Variants in IL17RE observed in about 807,000 individuals in gnomAD.
The protein encoded by IL17RE is interleukin-17 receptor E.
Under a neutral mutation model 70.7 loss-of-function variants are expected in IL17RE, and 47 were observed. That is an observed-to-expected ratio of 0.67 (90% confidence interval 0.53 to 0.85). IL17RE has a LOEUF of 0.85. IL17RE is among the 40% of genes least tolerant of loss of function. The probability of loss-of-function intolerance (pLI) is 0.00; values close to 1 mark genes in which losing one functional copy is unlikely to be tolerated. For missense variants in IL17RE, 850 were observed against 893.9 expected (o/e 0.95, Z 0.63); for synonymous variants, 372 against 381.2 (o/e 0.98, Z 0.28).
At chr3:9,903,135 C>G in intron 1 of IL17RE, 71 bp downstream of exon 1, 1 of 1,365,790 alleles carries the variant, frequency 7.3e-7, no homozygotes, top group Non-Finnish European at 1.0e-6. Flanking sequence ...CCTGCCTGCC[C>G]TGTGCTACCT....
chr3:9,905,032 T>C (rs1285653052), intron 3 of IL17RE, among the ~76,000 whole-genome samples: 1 of 143,280 alleles, frequency 7.0e-6, no homozygotes, highest in African/African-American at 2.7e-5. Flanking sequence ...GAGGTGGAGG[T>C]TGCAGTGAGT....
chr3:9,915,673 C>T lies in IL17RE; in HGVS notation c.1870C>T (p.Arg624Trp), dbSNP rs543785455. 7 of 1,390,774 alleles carry T rather than the reference C, an allele frequency of 5.0e-6. No individual in the cohort carries two copies. Among genetic ancestry groups the T allele is most frequent in the East Asian group, 3.1e-5 (1 of 32,778 alleles). The allele number at this position is 1,390,774 out of a possible 1,614,324, so 86.2% of individuals were successfully genotyped here. Residue 624 changes from arginine to tryptophan, a missense_variant, in exon 16 of 16, where the codon CGG becomes TGG. Coordinates refer to ENST00000383814, the MANE Select transcript of IL17RE (RefSeq NM_153480.2). This position sits in a 1 kb window ranked among gnomAD's most constrained non-coding sequence, Gnocchi z 4.9. ...GCTGCGCGACCTGCCGCGTCTGCTGCGGGCGCTGGACGCGCGGCCTTTCGC... is the reference window on the plus strand; with the variant it reads ...GCTGCGCGACCTGCCGCGTCTGCTGTGGGCGCTGGACGCGCGGCCTTTCGC... ...RLLRDLPRLLRALDARPFAEA... is the reference protein window; with the variant it reads ...RLLRDLPRLLWALDARPFAEA...
rs2082896328 is a variant in IL17RE, at chr3:9,911,654, G to T, written c.1227+57G>T. ...TCAGAGCACAGCCCTCAATTTCCTTGTGACCTCATTGAGATAGACCCTGGG... is the reference window on the plus strand; with the variant it reads ...TCAGAGCACAGCCCTCAATTTCCTTTTGACCTCATTGAGATAGACCCTGGG... On this transcript the variant is annotated intron_variant, in intron 12 of 15. Coordinates refer to ENST00000383814, the MANE Select transcript of IL17RE (RefSeq NM_153480.2). 1.3e-5 allele frequency: 19 copies of T among 1,511,912 alleles called. No individual in the cohort carries two copies. The South Asian group carries it at 1.8e-4, about 14-fold the overall frequency. 93.7% of individuals were successfully genotyped at this position (1,511,912 alleles called of 1,614,324 possible).
At chr3:9,906,569 T>C in intron 4 of IL17RE, 108 bp downstream of exon 4, 2 of 1,315,350 alleles carry the variant, frequency 1.5e-6, no homozygotes, top group Non-Finnish European at 2.2e-6. Flanking sequence ...GGAGATGAAG[T>C]ATTCTGTCTA....
intron 2 of IL17RE, 75 bp downstream of exon 2, chr3:9,903,487 C>A: frequency 6.5e-7 from 1 of 1,530,390 alleles, no homozygotes; most frequent in South Asian, 1.1e-5. Flanking sequence ...GCCCTCCATT[C>A]TAATTTTCAG....
intron 6 of IL17RE, among the ~76,000 whole-genome samples, chr3:9,907,599 A>T (rs1424811045): frequency 6.6e-6 from 1 of 152,234 alleles, no homozygotes; most frequent in Non-Finnish European, 1.5e-5. Flanking sequence ...CCTTTCCTTG[A>T]GCTTCAAGTT....
intron 2 of IL17RE, 59 bp downstream of exon 2, chr3:9,903,471 T>C (rs1412930924): frequency 1.1e-5 from 17 of 1,569,050 alleles, no homozygotes; most frequent in Non-Finnish European, 1.5e-5. Context: ...TGCAGATGCC[T>C]AGCAAGCCCT....
chr3:9,903,128 G>C (rs1292575234), intron 1 of IL17RE, 64 bp downstream of exon 1: 1 of 1,433,684 alleles, frequency 7.0e-7, no homozygotes, highest in Admixed American at 1.7e-5. Flanking sequence ...CCACTCCCCT[G>C]CCTGCCCTGT....
chr3:9,903,216 C>T, intron 1 of IL17RE, 152 bp downstream of exon 1: 1 of 964,436 alleles, frequency 1.0e-6, no homozygotes, highest in Admixed American at 2.2e-5. Flanking sequence ...AGCCAAGGTC[C>T]TTTGTGCTGA....
intron 3 of IL17RE, among the ~76,000 whole-genome samples, chr3:9,906,030 A>G (rs2082746548): frequency 6.6e-6 from 1 of 150,798 alleles, no homozygotes; most frequent in South Asian, 2.2e-4. Context: ...CGGGCGGATC[A>G]CCTGAGGTTG....
intron 7 of IL17RE, 31 bp downstream of exon 7, chr3:9,908,338 T>C: frequency 6.3e-7 from 1 of 1,594,588 alleles, no homozygotes; most frequent in Non-Finnish European, 8.6e-7. Flanking sequence ...GGGCTGTCCA[T>C]GGCTCTGCTC....
At chr3:9,907,192 A>G (rs557100914) in intron 6 of IL17RE, 92 bp downstream of exon 6, 15 of 1,513,558 alleles carry the variant, frequency 9.9e-6, no homozygotes, top group African/African-American at 8.2e-5. Context: ...TGAGGCCCAG[A>G]GAGGGATGGT....
At position 9,903,082 on chromosome 3, in the gene IL17RE, G is replaced by T; in HGVS notation, c.132+18G>T. ...CCCACACGGTAAGGTGCTGCTGCCA[G>T]GTAGGGACACCTGCCTGGCACAGCC... On this transcript the variant is annotated intron_variant, in intron 1 of 15. Coordinates refer to ENST00000383814, the MANE Select transcript of IL17RE (RefSeq NM_153480.2). 3.7e-6 allele frequency: 6 copies of T among 1,604,560 alleles called. No individual in the cohort carries two copies. Among genetic ancestry groups the T allele is most frequent in the Non-Finnish European group, 5.1e-6 (6 of 1,171,690 alleles).
upstream of IL17RE, chr3:9,902,734 G>T (rs570417463): frequency 7.2e-6 from 11 of 1,533,038 alleles, no homozygotes; most frequent in South Asian, 4.8e-5. Flanking sequence ...GCTTTCCTCA[G>T]TCCCTCCACT....
chr3:9,913,148 T>C (rs1483741807), intron 12 of IL17RE, among the ~76,000 whole-genome samples: 2 of 152,164 alleles, frequency 1.3e-5, no homozygotes, highest in African/African-American at 2.4e-5. Flanking sequence ...CTCACGCCTG[T>C]AATTCCAGCA....
At chr3:9,905,667 A>T (rs2082736444) in intron 3 of IL17RE, among the ~76,000 whole-genome samples, 1 of 152,066 alleles carries the variant, frequency 6.6e-6, no homozygotes, top group Admixed American at 6.5e-5. Flanking sequence ...AAAAGTACAA[A>T]AAATTAGCTG....
rs1044260742 is a variant in IL17RE, at chr3:9,906,565, G to A, written c.366+104G>A. On this transcript the variant is annotated intron_variant, in intron 4 of 15. Coordinates refer to ENST00000383814, the MANE Select transcript of IL17RE (RefSeq NM_153480.2). The stretch of plus-strand genomic sequence containing the variant: ...CATGTGAGACAGAAAGTGTGGAGAT[G>A]AAGTATTCTGTCTATTACACAGCTA... The A allele has an allele frequency of 9.8e-5, 129 of 1,322,058 alleles. 4 individuals carry two copies. In the South Asian group the frequency reaches 1.3e-3, roughly 13 times the overall value. The allele number at this position is 1,322,058 out of a possible 1,614,324, so 81.9% of individuals were successfully genotyped here. A position where few individuals can be genotyped will look rare whatever the true frequency, so the allele number is the denominator to read the frequency against.
At chr3:9,906,562 G>A in intron 4 of IL17RE, 101 bp downstream of exon 4, 1 of 1,325,392 alleles carries the variant, frequency 7.5e-7, no homozygotes, top group African/African-American at 1.4e-5. Context: ...AAAGTGTGGA[G>A]ATGAAGTATT....
intron 2 of IL17RE, 123 bp downstream of exon 2, chr3:9,903,535 T>A (rs1457415783): frequency 1.9e-6 from 2 of 1,077,238 alleles, no homozygotes; most frequent in Admixed American, 2.0e-5. Flanking sequence ...CAAGGAAAAA[T>A]TTGGAATCAT....
Sources: allele counts gnomAD v4.1 joint callset (sites outside exome capture counted in the v4.1 genomes callset), GRCh38; gene constraint gnomAD v4.1.1; non-coding constraint Gnocchi (gnomAD v3.1); transcripts MANE v1.5; gene names NCBI Gene and HGNC (gene_info 2026-07-23, HGNC 2026-07-21).